The following SMARCC1 variants were observed in gnomAD, a reference collection of about 807,000 sequenced individuals.
SMARCC1 encodes the protein SWI/SNF related BAF chromatin remodeling complex subunit C1.
Under a neutral mutation model 147.4 loss-of-function variants are expected in SMARCC1, and 43 were observed. That is an observed-to-expected ratio of 0.29 (90% CI 0.23 to 0.38). The LOEUF is 0.38. SMARCC1 is among the 10% of genes least tolerant of loss of function. SMARCC1 has a pLI of 1.00. For missense variants in SMARCC1, 1,119 were observed against 1,381.1 expected (o/e 0.81, Z 3.01); for synonymous variants, 495 against 484.4 (o/e 1.02, Z -0.29).
At chr3:47,699,310 T>C (rs1364571381) in intron 11 of SMARCC1, among the ~76,000 whole-genome samples, 2 of 152,188 alleles carry the variant, frequency 1.3e-5, no homozygotes, top group African/African-American at 2.4e-5. Context: ...AAAGGACAAG[T>C]ACTAATTCTC....
chr3:47,600,475 A>G (rs778258707), intron 26 of SMARCC1, among the ~76,000 whole-genome samples: 13 of 152,194 alleles, frequency 8.5e-5, no homozygotes, highest in African/African-American at 1.2e-4. Context: ...CCAGGTTGTT[A>G]GTAAGATGAT....
At chr3:47,741,805 C>T (rs991960587) in intron 3 of SMARCC1, among the ~76,000 whole-genome samples, 1 of 151,740 alleles carries the variant, frequency 6.6e-6, no homozygotes, top group South Asian at 2.1e-4. Context: ...TAGTCTTGAA[C>T]TCCTGGACTT....
intron 2 of SMARCC1, among the ~76,000 whole-genome samples, chr3:47,764,481 T>C (rs1196773897): frequency 6.6e-6 from 1 of 152,156 alleles, no homozygotes; most frequent in Non-Finnish European, 1.5e-5. Flanking sequence ...ACAATGTCAG[T>C]GAACTCAGGT....
At chr3:47,756,753 T>A (rs2034703507) in intron 2 of SMARCC1, among the ~76,000 whole-genome samples, 1 of 152,152 alleles carries the variant, frequency 6.6e-6, no homozygotes, top group East Asian at 1.9e-4. Context: ...CAAAAGCAAG[T>A]ACTTGCATCA....
chr3:47,635,373 G>C (rs747443778), intron 23 of SMARCC1, 29 bp from the exon 24 acceptor site: 1 of 1,602,332 alleles, frequency 6.2e-7, no homozygotes, highest in Non-Finnish European at 8.5e-7. Flanking sequence ...TTTGTTACTA[G>C]CGTGCCCACT....
intron 21 of SMARCC1, among the ~76,000 whole-genome samples, chr3:47,656,569 T>C (rs960641316): frequency 3.9e-5 from 6 of 152,094 alleles, no homozygotes; most frequent in Admixed American, 2.0e-4. Context: ...GCACTTTTCA[T>C]ACCAAGAAAC....
chr3:47,602,555 C>T (rs2106657077), intron 26 of SMARCC1, among the ~76,000 whole-genome samples: 1 of 152,260 alleles, frequency 6.6e-6, no homozygotes, highest in South Asian at 2.1e-4. Context: ...GCCTTGGCCT[C>T]CCAAAGTGCT....
At chr3:47,646,900 T>C (rs2033127083) in intron 21 of SMARCC1, among the ~76,000 whole-genome samples, 1 of 152,150 alleles carries the variant, frequency 6.6e-6, no homozygotes, top group Non-Finnish European at 1.5e-5. Flanking sequence ...CCTACCTTCA[T>C]TTTTTCCTTA....
At chr3:47,646,048 G>C (rs1250632411) in intron 21 of SMARCC1, among the ~76,000 whole-genome samples, 1 of 152,062 alleles carries the variant, frequency 6.6e-6, no homozygotes, top group Non-Finnish European at 1.5e-5. Context: ...GGCCAGGTGT[G>C]GTGGCTCACA....
At chr3:47,672,696 C>A (rs146022538) in intron 18 of SMARCC1, among the ~76,000 whole-genome samples, 1 of 152,260 alleles carries the variant, frequency 6.6e-6, no homozygotes, top group Non-Finnish European at 1.5e-5. Flanking sequence ...TAGGATAGGT[C>A]CTCAACAACC....
chr3:47,767,298 G>T (rs1438562395), intron 2 of SMARCC1, among the ~76,000 whole-genome samples: 1 of 143,758 alleles, frequency 7.0e-6, no homozygotes, highest in Admixed American at 6.9e-5. Flanking sequence ...GGAGTGCAAT[G>T]GGCACAATCT....
At chr3:47,622,608 C>G (rs575730093) in intron 24 of SMARCC1, among the ~76,000 whole-genome samples, 7 of 152,122 alleles carry the variant, frequency 4.6e-5, no homozygotes, top group African/African-American at 1.4e-4. Flanking sequence ...AAACCAGGAC[C>G]CTGATGGGCC....
At chr3:47,754,910 G>A (rs181660228) in intron 2 of SMARCC1, among the ~76,000 whole-genome samples, 1 of 152,236 alleles carries the variant, frequency 6.6e-6, no homozygotes, top group East Asian at 1.9e-4. Context: ...AGGCATGGTG[G>A]CGGGCACTTG....
At chr3:47,591,813 G>A (rs1251720327) in intron 26 of SMARCC1, among the ~76,000 whole-genome samples, 1 of 152,140 alleles carries the variant, frequency 6.6e-6, no homozygotes, top group Non-Finnish European at 1.5e-5. Flanking sequence ...CCAAAGTGCT[G>A]GGATTACAGG....
intron 26 of SMARCC1, among the ~76,000 whole-genome samples, chr3:47,594,126 T>TTACAC (rs1576381309): frequency 1.3e-5 from 2 of 150,466 alleles, no homozygotes; most frequent in African/African-American, 4.9e-5. Context: ...GATTGCACCA[T>TTACAC]TACACCCTAG....
At chr3:47,632,289 T>C (rs1029274976) in intron 24 of SMARCC1, among the ~76,000 whole-genome samples, 1 of 152,052 alleles carries the variant, frequency 6.6e-6, no homozygotes, top group Non-Finnish European at 1.5e-5. Context: ...ATGAAGGATT[T>C]GTGAAACTTA....
intron 26 of SMARCC1, among the ~76,000 whole-genome samples, chr3:47,598,862 GACACACAC>G (rs113400730): frequency 7.8e-6 from 1 of 128,132 alleles, no homozygotes; most frequent in Admixed American, 8.6e-5. Context: ...GAGAGAGAGA[GACACACAC>G]ACACACACAC....
At chr3:47,721,102 CCT>C (rs2034228020) in intron 6 of SMARCC1, among the ~76,000 whole-genome samples, 1 of 152,088 alleles carries the variant, frequency 6.6e-6, no homozygotes, top group Admixed American at 6.6e-5. Context: ...ACCTCTCATC[CCT>C]CTTTCTGTGA....
intron 26 of SMARCC1, among the ~76,000 whole-genome samples, chr3:47,593,204 T>C (rs200422165): frequency 1.4e-5 from 2 of 142,066 alleles, no homozygotes; most frequent in South Asian, 2.2e-4. Flanking sequence ...TTTTTTTTTT[T>C]CTTTTTTGAG....
Sources: allele counts gnomAD v4.1 joint callset (sites outside exome capture counted in the v4.1 genomes callset), GRCh38; gene constraint gnomAD v4.1.1; transcripts MANE v1.5; gene names NCBI Gene and HGNC (gene_info 2026-07-23, HGNC 2026-07-21).